The following RIPOR2 variants were observed in gnomAD, a reference collection of about 807,000 sequenced individuals.
RIPOR2 encodes rho family-interacting cell polarization regulator 2.
A neutral mutation model predicts 114.5 loss-of-function variants in RIPOR2; 39 were observed. That is an observed-to-expected ratio of 0.34 (90% CI 0.26 to 0.44). The LOEUF (loss-of-function observed/expected upper bound fraction) is 0.44. Among genes scored for constraint, RIPOR2 ranks in the 20% least tolerant of loss-of-function variants. RIPOR2 has a pLI of 1.00. For synonymous variants in RIPOR2, 445 were observed against 484.4 expected, an observed-to-expected ratio of 0.92 and a Z score of 1.07; for missense variants, 1,007 against 1,255.1, an observed-to-expected ratio of 0.80 and a Z score of 2.99.
intron 1 of RIPOR2, among the ~76,000 whole-genome samples, chr6:24,948,532 T>G (rs1772573277): frequency 9.8e-6 from 1 of 102,312 alleles, no homozygotes; most frequent in Non-Finnish European, 2.4e-5. Flanking sequence ...TTTCTTTCTT[T>G]CTTTTTTTTT....
chr6:24,819,684 G>GTTTTTTTTTTTTT (rs1759503979), intron 19 of RIPOR2, among the ~76,000 whole-genome samples: 3 of 71,266 alleles, frequency 4.2e-5, no homozygotes, highest in Non-Finnish European at 9.2e-5. Flanking sequence ...TTTTTTTTTA[G>GTTTTTTTTTTTTT]TGGAGACAGG....
chr6:24,947,284 T>C (rs537299187), intron 1 of RIPOR2, among the ~76,000 whole-genome samples: 5 of 152,238 alleles, frequency 3.3e-5, no homozygotes, highest in Middle Eastern at 3.4e-3. Context: ...TGGGCTCACC[T>C]TAGATGCACT....
chr6:24,845,810 G>A (rs1179421835), intron 12 of RIPOR2, among the ~76,000 whole-genome samples: 1 of 152,168 alleles, frequency 6.6e-6, no homozygotes, highest in East Asian at 1.9e-4. Context: ...GGAGCTCAGT[G>A]TGGAAGATGG....
intron 18 of RIPOR2, among the ~76,000 whole-genome samples, chr6:24,826,435 C>T (rs767842551): frequency 5.3e-5 from 8 of 152,068 alleles, no homozygotes; most frequent in Middle Eastern, 3.4e-3. Flanking sequence ...AGCCAAAATT[C>T]ATGCTCCATG....
At chr6:25,001,033 T>C (rs1439208561) in intron 1 of RIPOR2, among the ~76,000 whole-genome samples, 1 of 152,220 alleles carries the variant, frequency 6.6e-6, no homozygotes, top group East Asian at 1.9e-4. Flanking sequence ...TCCCTAGCGA[T>C]GTCCTGCTTA....
At chr6:25,029,130 CA>C (rs1457966241) in intron 1 of RIPOR2, among the ~76,000 whole-genome samples, 2 of 151,982 alleles carry the variant, frequency 1.3e-5, no homozygotes, top group African/African-American at 4.8e-5. Flanking sequence ...CTACTAAAAA[CA>C]CAAAAAATTA....
intron 1 of RIPOR2, among the ~76,000 whole-genome samples, chr6:24,903,323 T>C (rs1016131410): frequency 6.6e-6 from 1 of 152,168 alleles, no homozygotes; most frequent in African/African-American, 2.4e-5. Flanking sequence ...TCTCTATTGA[T>C]TGAGAAAGCC....
At chr6:24,902,493 A>C (rs1768572274) in intron 1 of RIPOR2, among the ~76,000 whole-genome samples, 1 of 152,100 alleles carries the variant, frequency 6.6e-6, no homozygotes, top group African/African-American at 2.4e-5. Flanking sequence ...TAGGGATTAC[A>C]CGCGCAAGCC....
At chr6:24,952,504 T>C (rs1468599053) in intron 1 of RIPOR2, among the ~76,000 whole-genome samples, 1 of 152,198 alleles carries the variant, frequency 6.6e-6, no homozygotes, top group African/African-American at 2.4e-5. Context: ...TGCAACATCA[T>C]TGAAGCAAAG....
chr6:25,001,488 G>A (rs1023907478), intron 1 of RIPOR2, among the ~76,000 whole-genome samples: 18 of 151,536 alleles, frequency 1.2e-4, no homozygotes, highest in East Asian at 4.0e-4. Flanking sequence ...AGCTGGGCGC[G>A]GTGGCGGGCA....
At chr6:24,999,676 C>G (rs370990201) in intron 1 of RIPOR2, among the ~76,000 whole-genome samples, 1 of 152,058 alleles carries the variant, frequency 6.6e-6, no homozygotes, top group Non-Finnish European at 1.5e-5. Context: ...CTGCCTCAGC[C>G]TCCCAAGTAG....
chr6:24,864,286 C>T (rs563031620), intron 7 of RIPOR2, among the ~76,000 whole-genome samples: 30 of 152,102 alleles, frequency 2.0e-4, no homozygotes, highest in South Asian at 1.0e-3. Context: ...GCCAAGATCG[C>T]GCCACTGCAC....
intron 1 of RIPOR2, among the ~76,000 whole-genome samples, chr6:24,881,249 G>A (rs1766330337): frequency 6.6e-6 from 1 of 152,106 alleles, no homozygotes; most frequent in African/African-American, 2.4e-5. Flanking sequence ...AATGTTTCCA[G>A]TCTCTAAGTT....
chr6:24,825,187 A>G, intron 19 of RIPOR2, 39 bp downstream of exon 19: 1 of 1,448,748 alleles, frequency 6.9e-7, no homozygotes, highest in South Asian at 1.3e-5. Context: ...AGGAAATTAA[A>G]CCAGCTTCTG....
Position 24,806,410 on chromosome 6 carries a change from C to T in RIPOR2, c.3107G>A (p.Gly1036Glu). The stretch of plus-strand genomic sequence containing the variant: ...GGCAACTTCAGTTCCATGACGACCT[C>T]CGACTTTAACACAGTCTCGAGGAAA... ...DKFPRDCVKVGGRHGTEVATA... is the reference protein window; with the variant it reads ...DKFPRDCVKVEGRHGTEVATA... The change falls in exon 22 of 22, where the codon GGA becomes GAA. Residue 1036 changes from glycine to glutamate, a missense_variant. Coordinates refer to ENST00000643898, the MANE Select transcript of RIPOR2 (RefSeq NM_001286445.3). 1.3e-6 allele frequency: 2 copies of T among 1,551,690 alleles called. No homozygotes were observed. Among genetic ancestry groups the T allele is most frequent in the Non-Finnish European group, 1.7e-6 (2 of 1,146,948 alleles).
Position 24,934,105 on chromosome 6 carries a change from G to A in RIPOR2, c.61+1733C>T, listed in dbSNP as rs148858087. ...TCCTATAGGCAAAGAAATGTGGGCT[G>A]GGCGTTTTGGAATGCCATTCCTGGA... On this transcript the variant is annotated intron_variant, in intron 1 of 21. Transcript: ENST00000643898. 1.3e-3 allele frequency among the ~76,000 whole-genome samples: 204 copies of A among 152,256 alleles called. 1 individual carries two copies. The highest frequency in any genetic ancestry group is 4.7e-3 in the African/African-American group (194 of 41,534).
At chr6:25,018,125 T>G (rs1776105119) in intron 1 of RIPOR2, among the ~76,000 whole-genome samples, 1 of 152,222 alleles carries the variant, frequency 6.6e-6, no homozygotes, top group African/African-American at 2.4e-5. Flanking sequence ...TTTCAAAGTC[T>G]GAAGGGTTTC....
chr6:24,856,229 C>G (rs1763461840), intron 8 of RIPOR2, among the ~76,000 whole-genome samples: 1 of 152,050 alleles, frequency 6.6e-6, no homozygotes, highest in South Asian at 2.1e-4. Context: ...GCCCGTGGAG[C>G]CAGCACATTT....
upstream of RIPOR2, among the ~76,000 whole-genome samples, chr6:24,940,651 AT>A (rs570652051): frequency 2.6e-4 from 39 of 148,002 alleles, no homozygotes; most frequent in East Asian, 2.4e-3. Context: ...AAGGAATACG[AT>A]TTTTTTTTTT....
Sources: allele counts gnomAD v4.1 joint callset (sites outside exome capture counted in the v4.1 genomes callset), GRCh38; gene constraint gnomAD v4.1.1; transcripts MANE v1.5; gene names NCBI Gene and HGNC (gene_info 2026-07-23, HGNC 2026-07-21).